COLEC12: variants seen among roughly 807,000 people sequenced by gnomAD.
The protein encoded by COLEC12 is collectin-12.
In COLEC12, 33 loss-of-function variants were observed where a neutral mutation model predicts 71.1. The ratio of observed to expected loss-of-function variants is 0.46; its 90% confidence interval spans 0.35 to 0.62. The LOEUF (loss-of-function observed/expected upper bound fraction) is 0.62. Ranked by LOEUF, COLEC12 falls within the 20% of genes least tolerant of loss-of-function variation. The pLI is 0.00. For synonymous variants in COLEC12, 350 were observed against 353.0 expected (o/e 0.99, Z 0.10); for missense variants, 765 against 916.1 (o/e 0.84, Z 2.13).
chr18:368,865 C>CA (rs1300361766), intron 2 of COLEC12, among the ~76,000 whole-genome samples: 88 of 151,944 alleles, frequency 5.8e-4, no homozygotes, highest in Non-Finnish European at 1.0e-3. Flanking sequence ...GACTCCGTCT[C>CA]AAAAACAAAA....
intron 8 of COLEC12, among the ~76,000 whole-genome samples, chr18:322,117 A>G (rs1913720229): frequency 1.3e-5 from 2 of 151,862 alleles, no homozygotes; most frequent in Admixed American, 6.6e-5. Flanking sequence ...ATAACTTTCT[A>G]ATGTGTACTG....
At chr18:328,840 G>A (rs1222619384) in intron 8 of COLEC12, among the ~76,000 whole-genome samples, 1 of 152,152 alleles carries the variant, frequency 6.6e-6, no homozygotes, top group Non-Finnish European at 1.5e-5. Context: ...TCCCTCGGCT[G>A]CACTGGCTTT....
At chr18:446,361 T>C (rs1916650161) in intron 2 of COLEC12, among the ~76,000 whole-genome samples, 1 of 152,056 alleles carries the variant, frequency 6.6e-6, no homozygotes, top group African/African-American at 2.4e-5. Context: ...TTATACTCAA[T>C]TTTGAGGAAC....
At chr18:479,545 C>CTG (rs1230778317) in intron 2 of COLEC12, among the ~76,000 whole-genome samples, 1 of 147,680 alleles carries the variant, frequency 6.8e-6, no homozygotes, top group African/African-American at 2.5e-5. Flanking sequence ...CTCTCTCTCT[C>CTG]TCTCTCACAC....
At chr18:369,149 G>A (rs909020253) in intron 2 of COLEC12, among the ~76,000 whole-genome samples, 7 of 152,086 alleles carry the variant, frequency 4.6e-5, no homozygotes, top group South Asian at 4.2e-4. Flanking sequence ...TCCACTCAGC[G>A]CCCTTACCAT....
chr18:413,514 G>C (rs111987033), intron 2 of COLEC12, among the ~76,000 whole-genome samples: 3 of 144,244 alleles, frequency 2.1e-5, no homozygotes. Flanking sequence ...TTCTAGAGAA[G>C]GATGATTTAT....
At chr18:452,553 G>C (rs1261098773) in intron 2 of COLEC12, among the ~76,000 whole-genome samples, 1 of 152,108 alleles carries the variant, frequency 6.6e-6, no homozygotes, top group African/African-American at 2.4e-5. Context: ...CACTATCAAA[G>C]AGCATTTGGT....
At chr18:447,659 T>A (rs1916678983) in intron 2 of COLEC12, among the ~76,000 whole-genome samples, 1 of 152,182 alleles carries the variant, frequency 6.6e-6, no homozygotes, top group Admixed American at 6.5e-5. Flanking sequence ...CAGTTTCTCC[T>A]TCTGTAAAAT....
At chr18:443,622 G>A (rs1239818751) in intron 2 of COLEC12, among the ~76,000 whole-genome samples, 1 of 152,202 alleles carries the variant, frequency 6.6e-6, no homozygotes, top group Non-Finnish European at 1.5e-5. Context: ...AGGGGAGCAA[G>A]AATCGGAGGA....
At chr18:422,465 T>C (rs960058023) in intron 2 of COLEC12, among the ~76,000 whole-genome samples, 6 of 152,128 alleles carry the variant, frequency 3.9e-5, no homozygotes, top group African/African-American at 1.4e-4. Context: ...GAATAAAATG[T>C]TTATTAAGTG....
At chr18:369,768 A>G (rs958995024) in intron 2 of COLEC12, among the ~76,000 whole-genome samples, 5 of 152,348 alleles carry the variant, frequency 3.3e-5, no homozygotes, top group South Asian at 4.1e-4. Context: ...CCCCACGGAT[A>G]CAGGCTGACT....
At chr18:378,865 GCCATCCC>G (rs1393647217) in intron 2 of COLEC12, among the ~76,000 whole-genome samples, 2 of 151,690 alleles carry the variant, frequency 1.3e-5, no homozygotes, top group African/African-American at 4.9e-5. Flanking sequence ...GCTTTGCTCT[GCCATCCC>G]CCTCATTCTC....
At chr18:331,889 C>T (rs1913991674) in intron 7 of COLEC12, 112 bp from the exon 8 acceptor site, 1 of 688,336 alleles carries the variant, frequency 1.5e-6, no homozygotes, top group Non-Finnish European at 2.5e-6. Context: ...GGATGGTTGT[C>T]AGAATGTGTA....
At chr18:470,642 C>T (rs1460991484) in intron 2 of COLEC12, among the ~76,000 whole-genome samples, 3 of 152,062 alleles carry the variant, frequency 2.0e-5, no homozygotes, top group South Asian at 4.1e-4. Context: ...GTATTCCTAG[C>T]TACTCAGGAG....
chr18:349,444 G>A (rs974318135), intron 3 of COLEC12, among the ~76,000 whole-genome samples: 3 of 152,236 alleles, frequency 2.0e-5, no homozygotes, highest in Admixed American at 1.3e-4. Context: ...GAGGTTTGCT[G>A]CACGGGTGGG....
intron 3 of COLEC12, 42 bp downstream of exon 3, chr18:357,358 G>A: frequency 6.4e-7 from 1 of 1,560,222 alleles, no homozygotes; most frequent in Non-Finnish European, 8.6e-7. Context: ...ATTAATGAAG[G>A]AACACTTGTT....
chr18:418,749 C>T (rs766265364), intron 2 of COLEC12, among the ~76,000 whole-genome samples: 3 of 152,178 alleles, frequency 2.0e-5, no homozygotes, highest in Non-Finnish European at 4.4e-5. Flanking sequence ...CAGATATGGT[C>T]TAAAAAGGGG....
At chr18:450,089 A>T (rs1598367932) in intron 2 of COLEC12, among the ~76,000 whole-genome samples, 1 of 152,218 alleles carries the variant, frequency 6.6e-6, no homozygotes, top group East Asian at 1.9e-4. Context: ...ATTAGTGGAC[A>T]TTTAAGTTAC....
chr18:460,950 T>A (rs879296876), intron 2 of COLEC12, among the ~76,000 whole-genome samples: 3 of 152,258 alleles, frequency 2.0e-5, no homozygotes, highest in Non-Finnish European at 2.9e-5. Flanking sequence ...ATTTGTGTGA[T>A]GAGCTAACTT....
Sources: gnomAD v4.1 joint callset for allele counts (sites outside exome capture counted in the v4.1 genomes callset) on GRCh38, gnomAD v4.1.1 for gene constraint, MANE v1.5 for transcripts, NCBI Gene and HGNC (gene_info 2026-07-23, HGNC 2026-07-21) for gene names.